Variants in SMC6 observed in about 807,000 individuals in gnomAD.
SMC6 encodes the protein structural maintenance of chromosomes 6, also known as structural maintenance of chromosomes protein 6.
Under a neutral mutation model 142.2 loss-of-function variants are expected in SMC6, and 79 were observed. That is an observed-to-expected ratio of 0.56 (90% CI 0.46 to 0.67). SMC6 has a LOEUF of 0.67. Among genes scored for constraint, SMC6 ranks in the 30% least tolerant of loss-of-function variants. The probability of loss-of-function intolerance (pLI) is 0.00; values close to 1 mark genes in which losing one functional copy is unlikely to be tolerated. For synonymous variants in SMC6, 411 were observed against 412.4 expected (o/e 1.00, Z 0.04); for missense variants, 1,072 against 1,284.0 (o/e 0.83, Z 2.52).
At chr2:17,682,588 AT>A in intron 24 of SMC6, among the ~76,000 whole-genome samples, 1 of 152,264 alleles carries the variant, frequency 6.6e-6, no homozygotes, top group East Asian at 1.9e-4. Flanking sequence ...AATAGAAGTA[AT>A]TCCGACAGCT....
At chr2:17,690,133 A>G (rs1667636392) in intron 23 of SMC6, among the ~76,000 whole-genome samples, 1 of 152,258 alleles carries the variant, frequency 6.6e-6, no homozygotes, top group African/African-American at 2.4e-5. Flanking sequence ...TATAACTAAT[A>G]GAGAAATGTA....
In SMC6 at chr2:17,743,092, A is replaced by G. The variant is rs1296684658; in HGVS notation, c.121-1363T>C. 3.3e-5 allele frequency among the ~76,000 whole-genome samples: 5 copies of G among 152,326 alleles called. No individual in the cohort carries two copies. In the South Asian group the frequency reaches 1.0e-3, roughly 32 times the overall value. On this transcript the variant is annotated intron_variant, in intron 3 of 27. Coordinates refer to ENST00000448223, the MANE Select transcript of SMC6 (RefSeq NM_001142286.2). ...ATTCTCTGTTGTTGCCTATATCGGT[A>G]GTTCGCTCCTTTTTATTGTTAAGCT...
chr2:17,703,963 T>C (rs1332402524), intron 18 of SMC6, among the ~76,000 whole-genome samples: 1 of 152,100 alleles, frequency 6.6e-6, no homozygotes, highest in East Asian at 1.9e-4. Flanking sequence ...TTAAAAGTTA[T>C]ATAGACTTTG....
chr2:17,701,982 A>T lies in SMC6; in HGVS notation c.2143-73T>A, dbSNP rs1471751821. ...CCGAAAACCTTGGAAAGGATTCATT[A>T]ATCTACAAAGCTCTATAATGATGAT... On this transcript the variant is annotated intron_variant, in intron 19 of 27. Coordinates refer to ENST00000448223, the MANE Select transcript of SMC6 (RefSeq NM_001142286.2). 5.2e-6 allele frequency: 4 copies of T among 770,408 alleles called. No individual in the cohort carries two copies. In the African/African-American group the frequency reaches 7.1e-5, roughly 14 times the overall value. 47.7% of individuals were successfully genotyped at this position (770,408 alleles called of 1,614,324 possible).
At chr2:17,696,460 T>C (rs1222750515) in intron 21 of SMC6, 34 bp from the exon 22 acceptor site, 1 of 1,589,448 alleles carries the variant, frequency 6.3e-7, no homozygotes, top group South Asian at 1.2e-5. Context: ...AAGATTGTTT[T>C]AAAAAAATTT....
rs1666404373 is a variant in SMC6, at chr2:17,664,464, T to C, written c.*1035A>G. The stretch of plus-strand genomic sequence containing the variant: ...TCATATTTATTCTAATATTTATTGC[T>C]ACTAATGTAAGGAATGCTTCTTGAT... On this transcript the variant is annotated 3_prime_UTR_variant, in exon 28 of 28. Transcript: ENST00000448223. 6.6e-6 allele frequency: 1 copy of C among 152,222 alleles called. No individual in the cohort carries two copies. The highest frequency in any genetic ancestry group is 2.4e-5 in the African/African-American group (1 of 41,456). The allele number at this position is 152,222 out of a possible 1,614,324, so 9.4% of individuals were successfully genotyped here. A position where few individuals can be genotyped will look rare whatever the true frequency, so the allele number is the denominator to read the frequency against.
Position 17,703,329 on chromosome 2 carries a change from T to C in SMC6, c.2007-37A>G, listed in dbSNP as rs201660501. 1.5e-5 allele frequency: 24 copies of C among 1,557,662 alleles called. No homozygotes were observed. The East Asian group carries it at 5.4e-4, about 35-fold the overall frequency. ...AGGAGAAGATAGAAAATACTTTAAATCTTTTTCTCAATATTACAAATACTT... is the reference window on the plus strand; with the variant it reads ...AGGAGAAGATAGAAAATACTTTAAACCTTTTTCTCAATATTACAAATACTT... On this transcript the variant is annotated intron_variant, in intron 18 of 27. Coordinates refer to ENST00000448223, the MANE Select transcript of SMC6 (RefSeq NM_001142286.2).
intron 5 of SMC6, among the ~76,000 whole-genome samples, chr2:17,737,162 T>G (rs2125061140): frequency 6.6e-6 from 1 of 152,234 alleles, no homozygotes; most frequent in South Asian, 2.1e-4. Flanking sequence ...TCCTTTTTTT[T>G]GAGTCAATTT....
chr2:17,694,916 A>G (rs1194192857), intron 23 of SMC6, among the ~76,000 whole-genome samples: 2 of 152,196 alleles, frequency 1.3e-5, no homozygotes, highest in Non-Finnish European at 2.9e-5. Context: ...TGAACCTTAT[A>G]GATACACGAA....
At position 17,695,137 on chromosome 2, in the gene SMC6, C is replaced by T. The variant is rs764256332; in HGVS notation, c.2678+15G>A. On this transcript the variant is annotated intron_variant, in intron 23 of 27. Transcript: ENST00000448223. ...TGAATAATGTGGTAAAGCAGAAAAG[C>T]TACCAGCTACTTACCTCATTATTTC... The T allele has an allele frequency of 3.7e-6, 6 of 1,611,660 alleles. No homozygotes were observed. In the African/African-American group the frequency reaches 6.7e-5, roughly 18 times the overall value.
intron 7 of SMC6, among the ~76,000 whole-genome samples, chr2:17,730,603 C>CT (rs397870131): frequency 2.8e-3 from 371 of 134,636 alleles, no homozygotes; most frequent in South Asian, 0.013. Context: ...TTAATAAATT[C>CT]TTTTTTTTTT....
Position 17,721,025 on chromosome 2 carries a change from T to C in SMC6, c.860A>G (p.Glu287Gly), listed in dbSNP as rs768090372. The change falls in exon 11 of 28, where the codon GAA becomes GGA. Residue 287 changes from glutamate to glycine, a missense_variant. Around this residue, in one of 3 missense-constraint regions of SMC6, gnomAD observed 994 missense variants for 1,153.2 expected, o/e 0.86. Transcript: ENST00000448223. ...ATCTCTGATGGCATTCAATTGTTTT[T>C]CAATTTCATTGACCTAAGAAAGAAA... ...EMAWAVVNEI[E>G]KQLNAIRDNI... 8.7e-6 allele frequency: 14 copies of C among 1,613,554 alleles called. No individual in the cohort carries two copies. In the South Asian group the frequency reaches 1.3e-4, roughly 15 times the overall value.
At chr2:17,677,489 C>T (rs1476368113) in intron 25 of SMC6, among the ~76,000 whole-genome samples, 1 of 152,200 alleles carries the variant, frequency 6.6e-6, no homozygotes, top group African/African-American at 2.4e-5. Context: ...AGTCCAGAAT[C>T]AGCAAACACT....
At chr2:17,665,938 A>G (rs1385057905) in intron 27 of SMC6, among the ~76,000 whole-genome samples, 2 of 152,204 alleles carry the variant, frequency 1.3e-5, no homozygotes, top group Non-Finnish European at 2.9e-5. Context: ...ACAAATTTAG[A>G]TCCCCATATA....
At chr2:17,720,031 G>T (rs1036854748) in intron 11 of SMC6, among the ~76,000 whole-genome samples, 5 of 152,134 alleles carry the variant, frequency 3.3e-5, no homozygotes, top group African/African-American at 1.2e-4. Flanking sequence ...TACATTTGCG[G>T]GGGAAGGGGA....
intron 5 of SMC6, among the ~76,000 whole-genome samples, chr2:17,734,782 A>C (rs1670068543): frequency 6.6e-6 from 1 of 152,080 alleles, no homozygotes; most frequent in Non-Finnish European, 1.5e-5. Context: ...CCCAGGCTGG[A>C]GTGCAGTGGC....
At chr2:17,677,005 A>C (rs575622981) in intron 25 of SMC6, among the ~76,000 whole-genome samples, 8 of 152,160 alleles carry the variant, frequency 5.3e-5, no homozygotes, top group African/African-American at 1.7e-4. Flanking sequence ...GAAGAATTTT[A>C]CTTCTTCTGT....
intron 23 of SMC6, among the ~76,000 whole-genome samples, chr2:17,688,551 C>T (rs556026430): frequency 2.0e-5 from 3 of 152,020 alleles, no homozygotes; most frequent in Non-Finnish European, 1.5e-5. Context: ...GACAACAGAG[C>T]GAGACCCTGT....
At position 17,716,832 on chromosome 2, in the gene SMC6, C is replaced by T. The variant is rs1014096304; in HGVS notation, c.1255G>A (p.Ala419Thr). 1.2e-6 allele frequency: 2 copies of T among 1,613,270 alleles called. No individual in the cohort carries two copies. The highest frequency in any genetic ancestry group is 1.7e-5 in the Admixed American group (1 of 59,932). Residue 419 changes from alanine to threonine, a missense_variant, in exon 14 of 28, where the codon GCC becomes ACC. Ala to Thr is a moderately conservative substitution (Grantham distance 58, BLOSUM62 0). Coordinates refer to ENST00000448223, the MANE Select transcript of SMC6 (RefSeq NM_001142286.2). The part of the protein sequence containing the change: ...KISWLKERVK[A>T]FQNQENSVNQ... ...ACTGAATTTTCTTGATTTTGAAAGGCCTTTACTCTCTCTTTTAACCAAGAT... is the reference window on the plus strand; with the variant it reads ...ACTGAATTTTCTTGATTTTGAAAGGTCTTTACTCTCTCTTTTAACCAAGAT...
Sources: gnomAD v4.1 joint callset for allele counts (sites outside exome capture counted in the v4.1 genomes callset) on GRCh38, gnomAD v4.1.1 for gene constraint, gnomAD v4.1.1 regional missense constraint, MANE v1.5 for transcripts, NCBI Gene and HGNC (gene_info 2026-07-23, HGNC 2026-07-21) for gene names.